The following TP63 variants were observed in gnomAD, a reference collection of about 807,000 sequenced individuals.
The protein encoded by TP63 is tumor protein 63.
A neutral mutation model predicts 82.8 loss-of-function variants in TP63; 17 were observed. The ratio of observed to expected loss-of-function variants is 0.21; its 90% CI spans 0.14 to 0.31. The LOEUF (loss-of-function observed/expected upper bound fraction) is 0.31, where lower values mean the gene tolerates loss of function less well. TP63 is among the 10% of genes least tolerant of loss of function. TP63 has a pLI of 1.00. For synonymous variants in TP63, 330 were observed against 321.7 expected, an observed-to-expected ratio of 1.03 and a Z score of -0.28; for missense variants, 648 against 895.3, an observed-to-expected ratio of 0.72 and a Z score of 3.52.
At chr3:189,628,726 A>G (rs552915387), upstream of TP63, among the ~76,000 whole-genome samples, 8 of 152,302 alleles carry the variant, frequency 5.3e-5, no homozygotes, top group South Asian at 4.1e-4. Flanking sequence ...ATGCATTTGT[A>G]TAGTAACCTT....
the TP63 span, among the ~76,000 whole-genome samples, chr3:189,607,310 A>T: frequency 1.3e-5 from 2 of 152,256 alleles, no homozygotes; most frequent in African/African-American, 4.8e-5. Context: ...GTTAATTTTT[A>T]AAATATTGAC....
chr3:189,849,395 G>T (rs780368925), intron 4 of TP63, among the ~76,000 whole-genome samples: 2 of 152,118 alleles, frequency 1.3e-5, no homozygotes, highest in African/African-American at 2.4e-5. Flanking sequence ...CAACCTGTGC[G>T]ATATGACAGA....
At chr3:189,699,796 C>A (rs1052920558) in intron 1 of TP63, among the ~76,000 whole-genome samples, 1 of 151,744 alleles carries the variant, frequency 6.6e-6, no homozygotes, top group Non-Finnish European at 1.5e-5. Context: ...TTTGCTTGTT[C>A]TCAAAGAAAA....
At chr3:189,726,515 A>T (rs78407000) in intron 1 of TP63, among the ~76,000 whole-genome samples, 3,934 of 152,342 alleles carry the variant, frequency 0.026, 65 homozygotes, top group Non-Finnish European at 0.039. Flanking sequence ...ATGTAGCAAT[A>T]GACTATTGAA....
At chr3:189,749,490 A>C (rs1160296734) in intron 3 of TP63, among the ~76,000 whole-genome samples, 2 of 152,226 alleles carry the variant, frequency 1.3e-5, no homozygotes. Context: ...CCAAAATGAG[A>C]TATCATCTTA....
chr3:189,738,305 G>A (rs890213236), intron 2 of TP63, among the ~76,000 whole-genome samples: 4 of 152,138 alleles, frequency 2.6e-5, no homozygotes, highest in Non-Finnish European at 4.4e-5. Context: ...TTAAGAAAAG[G>A]TGAAAAGAGA....
At chr3:189,734,085 C>T (rs984761081) in intron 1 of TP63, among the ~76,000 whole-genome samples, 1 of 149,910 alleles carries the variant, frequency 6.7e-6, no homozygotes, top group Non-Finnish European at 1.5e-5. Context: ...TTCTTTCTCT[C>T]TTTCTTTACT....
chr3:189,795,776 C>T (rs547490622), intron 3 of TP63, among the ~76,000 whole-genome samples: 6 of 151,976 alleles, frequency 3.9e-5, no homozygotes, highest in African/African-American at 1.2e-4. Context: ...GTTCAGAATT[C>T]GAGATTCAAA....
chr3:189,778,680 A>C (rs1489657698), intron 3 of TP63, among the ~76,000 whole-genome samples: 1 of 152,204 alleles, frequency 6.6e-6, no homozygotes, highest in Non-Finnish European at 1.5e-5. Context: ...AAAGAAGCTG[A>C]ATATATCTTT....
At chr3:189,637,688 A>G (rs540350632) in intron 1 of TP63, among the ~76,000 whole-genome samples, 3 of 152,276 alleles carry the variant, frequency 2.0e-5, no homozygotes, top group African/African-American at 7.2e-5. Flanking sequence ...AATGCATTGC[A>G]CATGTGACCT....
intron 4 of TP63, among the ~76,000 whole-genome samples, chr3:189,811,325 G>T (rs1385709196): frequency 2.0e-5 from 3 of 152,188 alleles, no homozygotes; most frequent in African/African-American, 4.8e-5. Context: ...ATTCATGAGT[G>T]TCCTTGGTTA....
intron 1 of TP63, among the ~76,000 whole-genome samples, chr3:189,709,033 G>A (rs904065943): frequency 6.6e-6 from 1 of 152,202 alleles, no homozygotes; most frequent in South Asian, 2.1e-4. Flanking sequence ...TCCCCATATA[G>A]TTAGTTAGAT....
At chr3:189,677,888 T>C (rs891085545) in intron 1 of TP63, among the ~76,000 whole-genome samples, 5 of 152,088 alleles carry the variant, frequency 3.3e-5, no homozygotes, top group Admixed American at 1.3e-4. Context: ...TGGACATCTG[T>C]GTATCTTCTG....
At chr3:189,663,080 T>G (rs1409421387) in intron 1 of TP63, among the ~76,000 whole-genome samples, 1 of 152,148 alleles carries the variant, frequency 6.6e-6, no homozygotes, top group Non-Finnish European at 1.5e-5. Context: ...TTTTTAAAAT[T>G]ATCAGTTACC....
intron 1 of TP63, among the ~76,000 whole-genome samples, chr3:189,668,208 A>G (rs1302018906): frequency 6.6e-6 from 1 of 152,032 alleles, no homozygotes; most frequent in Non-Finnish European, 1.5e-5. Context: ...TTATTTGAAC[A>G]AAAATCAGCA....
intron 4 of TP63, among the ~76,000 whole-genome samples, chr3:189,831,502 A>G (rs911628041): frequency 6.6e-6 from 1 of 151,836 alleles, no homozygotes; most frequent in Non-Finnish European, 1.5e-5. Flanking sequence ...CAGTGTTGTT[A>G]TCTTCATCTT....
intron 3 of TP63, among the ~76,000 whole-genome samples, chr3:189,806,962 G>T (rs2108634187): frequency 6.6e-6 from 1 of 152,162 alleles, no homozygotes; most frequent in African/African-American, 2.4e-5. Flanking sequence ...TTGTAAGTTT[G>T]TTCTTCTCTA....
intron 3 of TP63, among the ~76,000 whole-genome samples, chr3:189,758,321 G>T (rs902309763): frequency 5.9e-5 from 9 of 152,196 alleles, no homozygotes; most frequent in African/African-American, 2.2e-4. Context: ...GTGTGGTCCA[G>T]TTCCTAACAG....
chr3:189,755,233 C>G (rs1335264861), intron 3 of TP63, among the ~76,000 whole-genome samples: 3 of 152,020 alleles, frequency 2.0e-5, no homozygotes. Context: ...CTGGTTGTCT[C>G]TCTGTACCAT....
Sources: allele counts gnomAD v4.1 joint callset (sites outside exome capture counted in the v4.1 genomes callset), GRCh38; gene constraint gnomAD v4.1.1; transcripts MANE v1.5; gene names NCBI Gene and HGNC (gene_info 2026-07-23, HGNC 2026-07-21).